RASEF: variants seen among roughly 807,000 people sequenced by gnomAD.
RASEF encodes the protein RAS and EF-hand domain containing.
In RASEF, 68 loss-of-function variants were observed where a neutral mutation model predicts 90.1. That is an observed-to-expected ratio of 0.75 (90% CI 0.62 to 0.92). The LOEUF (loss-of-function observed/expected upper bound fraction) is 0.92. Ranked by LOEUF, RASEF falls within the 40% of genes least tolerant of loss-of-function variation. The pLI is 0.00. For missense variants in RASEF, 949 were observed against 937.2 expected, an observed-to-expected ratio of 1.01 and a Z score of -0.16; for synonymous variants, 331 against 345.2, an observed-to-expected ratio of 0.96 and a Z score of 0.46.
At position 83,042,705 on chromosome 9, in the gene RASEF, TAAG is replaced by T. The variant is rs796497742; in HGVS notation, c.432-16787_432-16785del. ...GCTATCTGAAACTCAGGTATCTGAC[TAAG>T]AAGAATCCAAAAGGAGGTTGGAAAG... On this transcript the variant is annotated intron_variant, in intron 1 of 16. Transcript: ENST00000376447. Among the ~76,000 whole-genome samples, 26 of 151,484 alleles carry T rather than the reference TAAG, an allele frequency of 1.7e-4. 1 individual carries two copies. Among genetic ancestry groups the T allele is most frequent in the South Asian group, 8.3e-4 (4 of 4,822 alleles).
chr9:83,213,408 A>T, the RASEF span, among the ~76,000 whole-genome samples: 1 of 151,980 alleles, frequency 6.6e-6, no homozygotes, highest in African/African-American at 2.4e-5. Context: ...TGAAAAAAAA[A>T]AAAAAAGATA....
chr9:83,217,206 T>A, the RASEF span, among the ~76,000 whole-genome samples: 3 of 152,142 alleles, frequency 2.0e-5, no homozygotes, highest in Non-Finnish European at 4.4e-5. Context: ...TACCCCCCAT[T>A]GTATCTAGAA....
At chr9:83,069,233 C>T in the RASEF span, among the ~76,000 whole-genome samples, 4 of 152,080 alleles carry the variant, frequency 2.6e-5, no homozygotes. Flanking sequence ...GTTTAATGAG[C>T]TTGCACAGAT....
chr9:83,031,681 A>T (rs1053985696), intron 1 of RASEF, among the ~76,000 whole-genome samples: 7 of 152,228 alleles, frequency 4.6e-5, no homozygotes, highest in African/African-American at 9.6e-5. Flanking sequence ...CAAGATTTTT[A>T]AAAAATTACT....
chr9:83,154,969 G>T, the RASEF span, among the ~76,000 whole-genome samples: 4 of 152,232 alleles, frequency 2.6e-5, no homozygotes, highest in Non-Finnish European at 4.4e-5. Context: ...AGGTAGCAAA[G>T]TCTAGCCTCA....
chr9:83,196,753 GTATTAAT>G, the RASEF span, among the ~76,000 whole-genome samples: 5 of 152,186 alleles, frequency 3.3e-5, no homozygotes, highest in Non-Finnish European at 5.9e-5. Context: ...GAAGAGGATG[GTATTAAT>G]TATTGACTCC....
the RASEF span, among the ~76,000 whole-genome samples, chr9:83,133,319 ATTGT>A: frequency 6.6e-6 from 1 of 152,188 alleles, no homozygotes; most frequent in African/African-American, 2.4e-5. Flanking sequence ...TCACTTTTTA[ATTGT>A]TTAAAAACAA....
the RASEF span, among the ~76,000 whole-genome samples, chr9:83,139,860 T>C: frequency 2.6e-5 from 4 of 152,242 alleles, no homozygotes; most frequent in Non-Finnish European, 4.4e-5. Flanking sequence ...TTTAGTATTT[T>C]AGCAAATACT....
At chr9:83,104,005 CTTAA>C in the RASEF span, among the ~76,000 whole-genome samples, 1 of 152,126 alleles carries the variant, frequency 6.6e-6, no homozygotes, top group African/African-American at 2.4e-5. Context: ...GTGGAGGCTG[CTTAA>C]TTAGTGAGGT....
At chr9:83,015,754 T>A (rs987589613) in intron 4 of RASEF, 51 bp downstream of exon 4, 1 of 1,297,050 alleles carries the variant, frequency 7.7e-7, no homozygotes, top group Admixed American at 1.7e-5. Flanking sequence ...ATGGCTTAGA[T>A]ACCCTGAGAT....
the RASEF span, among the ~76,000 whole-genome samples, chr9:83,179,925 C>T: frequency 1.3e-5 from 2 of 151,976 alleles, no homozygotes; most frequent in Admixed American, 6.6e-5. Flanking sequence ...AAACAGGAGC[C>T]GTCCCAGGGC....
At chr9:83,036,679 G>A (rs141741799) in intron 1 of RASEF, among the ~76,000 whole-genome samples, 12 of 152,246 alleles carry the variant, frequency 7.9e-5, no homozygotes, top group East Asian at 5.8e-4. Flanking sequence ...AAAATGGAAC[G>A]TGGTGTCCTA....
chr9:83,022,698 G>A (rs1372063478), intron 2 of RASEF, among the ~76,000 whole-genome samples: 1 of 152,118 alleles, frequency 6.6e-6, no homozygotes, highest in Non-Finnish European at 1.5e-5. Context: ...TTTTGTCATT[G>A]TGTAAGCATC....
At chr9:83,143,195 C>T in the RASEF span, among the ~76,000 whole-genome samples, 24 of 152,120 alleles carry the variant, frequency 1.6e-4, no homozygotes, top group African/African-American at 5.5e-4. Flanking sequence ...GCAAACCCTG[C>T]TTGCACAATT....
At chr9:83,091,605 A>C in the RASEF span, among the ~76,000 whole-genome samples, 1 of 152,228 alleles carries the variant, frequency 6.6e-6, no homozygotes, top group Non-Finnish European at 1.5e-5. Flanking sequence ...CCTTATGGAC[A>C]TCTAACTACT....
chr9:83,147,794 G>A, the RASEF span, among the ~76,000 whole-genome samples: 1 of 152,068 alleles, frequency 6.6e-6, no homozygotes, highest in African/African-American at 2.4e-5. Flanking sequence ...GAGTGGTGGA[G>A]GTGGCTCTCA....
the RASEF span, among the ~76,000 whole-genome samples, chr9:83,195,684 G>A: frequency 1.3e-5 from 2 of 152,090 alleles, no homozygotes; most frequent in East Asian, 3.9e-4. Context: ...ATCTATTTTC[G>A]TGTATATATG....
At chr9:83,063,589 G>A (rs1830255038), upstream of RASEF, among the ~76,000 whole-genome samples, 1 of 152,160 alleles carries the variant, frequency 6.6e-6, no homozygotes, top group Admixed American at 6.5e-5. Flanking sequence ...TGCGTCTAAC[G>A]TTAAGGTCCC....
At chr9:83,040,448 A>G (rs374778704) in intron 1 of RASEF, among the ~76,000 whole-genome samples, 2 of 152,240 alleles carry the variant, frequency 1.3e-5, no homozygotes, top group East Asian at 1.9e-4. Flanking sequence ...CAAAGACAAC[A>G]TATTGCATAC....
Sources: gnomAD v4.1 joint callset for allele counts (sites outside exome capture counted in the v4.1 genomes callset) on GRCh38, gnomAD v4.1.1 for gene constraint, MANE v1.5 for transcripts, NCBI Gene and HGNC (gene_info 2026-07-23, HGNC 2026-07-21) for gene names.